The following PCDHGA5 variants were observed in gnomAD, a reference collection of about 807,000 sequenced individuals.
The protein encoded by PCDHGA5 is protocadherin gamma subfamily A, 5, also known as protocadherin gamma-A5.
Under a neutral mutation model 56.7 loss-of-function variants are expected in PCDHGA5, and 36 were observed. The ratio of observed to expected loss-of-function variants is 0.64; its 90% CI spans 0.49 to 0.84. The LOEUF (loss-of-function observed/expected upper bound fraction) is 0.84, where lower values mean the gene tolerates loss of function less well. PCDHGA5 is among the 40% of genes least tolerant of loss of function. PCDHGA5 has a pLI of 0.00. For missense variants in PCDHGA5, 1,305 were observed against 1,201.5 expected, an observed-to-expected ratio of 1.09 and a Z score of -1.27; for synonymous variants, 563 against 520.2, an observed-to-expected ratio of 1.08 and a Z score of -1.12.
rs1266306917 is a variant in PCDHGA5 at position 141,403,005 on chromosome 5, C to A, written c.2421+36254C>A. ...CGCGGAAGATTAGTCCTGCTATGCTCGCTCCTGGGGATGCTATGGGAGGCC... is the reference window on the plus strand; with the variant it reads ...CGCGGAAGATTAGTCCTGCTATGCTAGCTCCTGGGGATGCTATGGGAGGCC... On this transcript the variant is annotated intron_variant, in intron 1 of 3. Transcript: ENST00000518069. The A allele has an allele frequency of 2.5e-6, 4 of 1,613,960 alleles. No homozygotes were observed. The East Asian group carries it at 8.9e-5, about 36-fold the overall frequency.
At position 141,371,642 on chromosome 5, in the gene PCDHGA5, A is replaced by G. The variant is rs774578258; in HGVS notation, c.2421+4891A>G. 5.0e-6 allele frequency: 8 copies of G among 1,613,946 alleles called. No individual in the cohort carries two copies. In the Admixed American group the frequency reaches 5.0e-5, roughly 10 times the overall value. ...GAGCCCTGGACCGGGAGCAGATCCC[A>G]GAATACAATGTGACGATCACAGCTA... On this transcript the variant is annotated intron_variant, in intron 1 of 3. Coordinates refer to ENST00000518069, the MANE Select transcript of PCDHGA5 (RefSeq NM_018918.3).
At chr5:141,403,046 C>T in intron 1 of PCDHGA5, 1 of 1,614,056 alleles carries the variant, frequency 6.2e-7, no homozygotes, top group Non-Finnish European at 8.5e-7. Flanking sequence ...CAGTCAGATT[C>T]GCTACTCAGT....
At position 141,510,839 on chromosome 5, in the gene PCDHGA5, C is replaced by G. The variant is rs186647886; in HGVS notation, c.2570-108C>G. The stretch of plus-strand genomic sequence containing the variant: ...CTATATTCCCAGTGCTCAGCGTGGT[C>G]AAGGCCCAGGGTGCTGTATAGGCAT... On this transcript the variant is annotated intron_variant, in intron 3 of 3. Coordinates refer to ENST00000518069, the MANE Select transcript of PCDHGA5 (RefSeq NM_018918.3). The G allele has an allele frequency of 6.5e-5, 103 of 1,587,108 alleles. No individual in the cohort carries two copies. The East Asian group carries it at 1.6e-3, about 25-fold the overall frequency.
intron 1 of PCDHGA5, among the ~76,000 whole-genome samples, chr5:141,460,914 A>G (rs62379191): frequency 4.9e-5 from 6 of 122,236 alleles, no homozygotes; most frequent in Non-Finnish European, 5.2e-5. Context: ...TCCATGGTGT[A>G]TATATATATA....
chr5:141,375,443 C>T, intron 1 of PCDHGA5: 2 of 1,614,022 alleles, frequency 1.2e-6, no homozygotes, highest in African/African-American at 1.3e-5. Flanking sequence ...CACCTTCCCC[C>T]ATTCATCCTA....
At chr5:141,401,610 A>AC (rs1186420148) in intron 1 of PCDHGA5, among the ~76,000 whole-genome samples, 1 of 152,212 alleles carries the variant, frequency 6.6e-6, no homozygotes, top group Non-Finnish European at 1.5e-5. Flanking sequence ...GGAAAAAGAC[A>AC]CCGGATTTGT....
At chr5:141,496,948 G>A (rs2099772844) in intron 2 of PCDHGA5, among the ~76,000 whole-genome samples, 1 of 151,826 alleles carries the variant, frequency 6.6e-6, no homozygotes, top group Admixed American at 6.6e-5. Context: ...CACTTTGGGA[G>A]GCCAAGGTGG....
intron 1 of PCDHGA5, chr5:141,383,561 C>A: frequency 5.0e-6 from 8 of 1,613,196 alleles, no homozygotes; most frequent in Non-Finnish European, 6.8e-6. Context: ...GGCGACCCGC[C>A]CCGATCCAGC....
Position 141,487,660 on chromosome 5 carries a change from T to C in PCDHGA5, c.2422-7147T>C. Reference sequence around the variant, plus strand: ...AACAAATGCTTGAGGGTTATTCTGATCCAGGCATATGGCTAGGCCATGTCC... The same window carrying C: ...AACAAATGCTTGAGGGTTATTCTGACCCAGGCATATGGCTAGGCCATGTCC... On this transcript the variant is annotated intron_variant, in intron 1 of 3. Coordinates refer to ENST00000518069, the MANE Select transcript of PCDHGA5 (RefSeq NM_018918.3). The surrounding 1 kb of genome is among the most constrained non-coding windows in gnomAD (Gnocchi z 5.0). The C allele has an allele frequency of 6.2e-7, 1 of 1,613,442 alleles. No homozygotes were observed. The highest frequency in any genetic ancestry group is 8.5e-7 in the Non-Finnish European group (1 of 1,179,710).
chr5:141,507,901 G>T (rs1332204823), intron 3 of PCDHGA5, among the ~76,000 whole-genome samples: 1 of 152,216 alleles, frequency 6.6e-6, no homozygotes, highest in Non-Finnish European at 1.5e-5. Flanking sequence ...CTGAAGTCCA[G>T]CCCAGCCAGG....
chr5:141,487,348 C>T lies in PCDHGA5; in HGVS notation c.2422-7459C>T, dbSNP rs929693998. ...GTGGGGCAGCCTGTGGAGTCACATG[C>T]TTTCCTGCTGGCACCTGTGCCTGTC... On this transcript the variant is annotated intron_variant, in intron 1 of 3. Coordinates refer to ENST00000518069, the MANE Select transcript of PCDHGA5 (RefSeq NM_018918.3). The surrounding 1 kb of genome is among the most constrained non-coding windows in gnomAD (Gnocchi z 5.0). The T allele has an allele frequency of 2.5e-6, 4 of 1,614,080 alleles. No homozygotes were observed. The highest frequency in any genetic ancestry group is 2.2e-5 in the East Asian group (1 of 44,882).
Position 141,432,599 on chromosome 5 carries a change from C to T in PCDHGA5, c.2422-62208C>T. 2.5e-6 allele frequency: 4 copies of T among 1,613,908 alleles called. No individual in the cohort carries two copies. The highest frequency in any genetic ancestry group is 2.7e-5 in the African/African-American group (2 of 75,052). On this transcript the variant is annotated intron_variant, in intron 1 of 3. Coordinates refer to ENST00000518069, the MANE Select transcript of PCDHGA5 (RefSeq NM_018918.3). The surrounding 1 kb of genome is among the most constrained non-coding windows in gnomAD (Gnocchi z 6.0). Reference sequence around the variant, plus strand: ...CTACCGTCTGCTCAAGGCCAGCGAGCCGGGACTCTTCTCGGTGGGTCTGCA... The same window carrying T: ...CTACCGTCTGCTCAAGGCCAGCGAGTCGGGACTCTTCTCGGTGGGTCTGCA...
chr5:141,423,544 C>G, intron 1 of PCDHGA5: 1 of 1,613,744 alleles, frequency 6.2e-7, no homozygotes, highest in African/African-American at 1.3e-5. Flanking sequence ...GATTTTCCCC[C>G]AGCCCAACTA....
rs533568792 is a variant in PCDHGA5 at position 141,393,506 on chromosome 5, A to G, written c.2421+26755A>G. The G allele has an allele frequency of 7.4e-6, 12 of 1,614,032 alleles. No individual in the cohort carries two copies. The East Asian group carries it at 2.5e-4, about 33-fold the overall frequency. ...CTAGCACAGTGCGCATCCACGTGAC[A>G]GTGTTGGATACAAATGACAATGCCC... On this transcript the variant is annotated intron_variant, in intron 1 of 3. Transcript: ENST00000518069.
At chr5:141,386,097 T>C (rs1216816786) in intron 1 of PCDHGA5, 9 of 152,236 alleles carry the variant, frequency 5.9e-5, no homozygotes, top group African/African-American at 2.2e-4. Flanking sequence ...AGATGAAGTG[T>C]GTCTGTGGGC....
At chr5:141,501,628 C>T (rs1217355708) in intron 2 of PCDHGA5, among the ~76,000 whole-genome samples, 1 of 152,112 alleles carries the variant, frequency 6.6e-6, no homozygotes, top group Non-Finnish European at 1.5e-5. Flanking sequence ...TATAGTCTCT[C>T]AACCTCTCTG....
At chr5:141,507,239 G>C (rs2099859378) in intron 3 of PCDHGA5, 1 of 152,310 alleles carries the variant, frequency 6.6e-6, no homozygotes, top group Non-Finnish European at 1.5e-5. Context: ...CCCAGTTACA[G>C]TTGAATGTCA....
chr5:141,387,777 C>G, intron 1 of PCDHGA5: 1 of 1,453,750 alleles, frequency 6.9e-7, no homozygotes, highest in Non-Finnish European at 9.2e-7. Context: ...TTTTCTTGAA[C>G]TGGAACTGCA....
rs1301352900 is a variant in PCDHGA5, at chr5:141,491,765, A to T, written c.2422-3042A>T. ...GGCACTGGAGAAGCCGCCCGTCCTC[A>T]TAAGGGATTGAACTTGCATCCACTC... On this transcript the variant is annotated intron_variant, in intron 1 of 3. Transcript: ENST00000518069. The surrounding 1 kb of genome is among the most constrained non-coding windows in gnomAD (Gnocchi z 6.9). 1.3e-6 allele frequency: 2 copies of T among 1,569,228 alleles called. No individual in the cohort carries two copies. Among genetic ancestry groups the T allele is most frequent in the Non-Finnish European group, 1.7e-6 (2 of 1,158,736 alleles).
Sources: gnomAD v4.1 joint callset for allele counts (sites outside exome capture counted in the v4.1 genomes callset) on GRCh38, gnomAD v4.1.1 for gene constraint, Gnocchi (gnomAD v3.1) non-coding constraint, MANE v1.5 for transcripts, NCBI Gene and HGNC (gene_info 2026-07-23, HGNC 2026-07-21) for gene names.